Variants in CCSER1 observed in about 807,000 individuals in gnomAD.
The protein encoded by CCSER1 is serine-rich coiled-coil domain-containing protein 1.
CCSER1 carries 41 observed loss-of-function variants against 82.0 expected under a neutral mutation model. The observed-to-expected ratio is 0.50, with a 90% CI of 0.39 to 0.65. The LOEUF (loss-of-function observed/expected upper bound fraction) is 0.65, where lower values mean the gene tolerates loss of function less well. CCSER1 is among the 30% of genes least tolerant of loss of function. The pLI is 0.00. For synonymous variants in CCSER1, 414 were observed against 383.9 expected, an observed-to-expected ratio of 1.08 and a Z score of -0.92; for missense variants, 1,119 against 1,064.2, an observed-to-expected ratio of 1.05 and a Z score of -0.72.
intron 10 of CCSER1, among the ~76,000 whole-genome samples, chr4:91,189,155 A>G (rs1372364951): frequency 1.3e-5 from 2 of 152,104 alleles, no homozygotes; most frequent in African/African-American, 4.8e-5. Context: ...GGTAATTTGC[A>G]GGTAAAAGGT....
At chr4:90,729,339 A>G (rs183243482) in intron 7 of CCSER1, among the ~76,000 whole-genome samples, 2 of 152,334 alleles carry the variant, frequency 1.3e-5, no homozygotes, top group East Asian at 1.9e-4. Context: ...TTAAACATAA[A>G]TTATTTACTT....
At chr4:90,649,802 T>G (rs1464540223) in intron 6 of CCSER1, among the ~76,000 whole-genome samples, 1 of 152,066 alleles carries the variant, frequency 6.6e-6, no homozygotes, top group Non-Finnish European at 1.5e-5. Context: ...AAAGTATAAT[T>G]TAGTGAAAAT....
intron 6 of CCSER1, among the ~76,000 whole-genome samples, chr4:90,671,438 T>A (rs1732787871): frequency 6.6e-6 from 1 of 152,056 alleles, no homozygotes; most frequent in Non-Finnish European, 1.5e-5. Flanking sequence ...AGAAGTAGAT[T>A]TCCTCCCAAG....
chr4:91,401,149 C>T (rs1364499251), intron 10 of CCSER1, among the ~76,000 whole-genome samples: 1 of 151,532 alleles, frequency 6.6e-6, no homozygotes, highest in Admixed American at 6.6e-5. Context: ...CTCACGTGCC[C>T]ATCTAAATAG....
In CCSER1 at chr4:90,211,752, T is replaced by G. The variant is rs117680822; in HGVS notation, c.-42+83921T>G. 4.5e-4 allele frequency among the ~76,000 whole-genome samples: 69 copies of G among 152,352 alleles called. No homozygotes were observed. The East Asian group carries it at 0.01, about 22-fold the overall frequency. ...GTAATAATGTAATCAGAAACATGTT[T>G]TAGGAAGTTTACTGATGAATTCTTG... is the stretch of plus-strand genomic sequence containing the variant. On this transcript the variant is annotated intron_variant, in intron 1 of 10. Coordinates refer to ENST00000509176, the MANE Select transcript of CCSER1 (RefSeq NM_001145065.2).
chr4:90,148,508 T>C (rs1445517242), intron 1 of CCSER1, among the ~76,000 whole-genome samples: 1 of 152,172 alleles, frequency 6.6e-6, no homozygotes, highest in African/African-American at 2.4e-5. Context: ...ACAAGGTTGA[T>C]ATAGATGTGA....
chr4:91,251,355 C>T (rs1740244965), intron 10 of CCSER1, among the ~76,000 whole-genome samples: 1 of 152,128 alleles, frequency 6.6e-6, no homozygotes, highest in South Asian at 2.1e-4. Flanking sequence ...GCTCTACCCT[C>T]ATGACCTAAT....
At chr4:90,780,229 G>A (rs1180604716) in intron 7 of CCSER1, among the ~76,000 whole-genome samples, 3 of 152,164 alleles carry the variant, frequency 2.0e-5, no homozygotes, top group African/African-American at 7.2e-5. Flanking sequence ...GTGTGGACAA[G>A]TTTGGTCTTT....
chr4:90,344,568 C>T (rs1371338687), intron 3 of CCSER1, among the ~76,000 whole-genome samples: 1 of 151,962 alleles, frequency 6.6e-6, no homozygotes, highest in African/African-American at 2.4e-5. Flanking sequence ...ATTTAGTACC[C>T]CCATAAACTC....
intron 1 of CCSER1, among the ~76,000 whole-genome samples, chr4:90,167,370 A>T (rs188059643): frequency 2.0e-5 from 3 of 152,270 alleles, no homozygotes; most frequent in African/African-American, 7.2e-5. Context: ...AAAGTTGTAC[A>T]TTTTCATTCT....
At chr4:91,426,621 C>T (rs766263332) in intron 10 of CCSER1, among the ~76,000 whole-genome samples, 141 of 152,070 alleles carry the variant, frequency 9.3e-4, no homozygotes, top group Non-Finnish European at 1.4e-3. Context: ...GTATTTAATA[C>T]AATTTCAATT....
chr4:90,707,039 G>T (rs901314958), intron 6 of CCSER1, among the ~76,000 whole-genome samples: 1 of 151,910 alleles, frequency 6.6e-6, no homozygotes, highest in Non-Finnish European at 1.5e-5. Flanking sequence ...ATAATTTTTG[G>T]CAGGAAGCCC....
At chr4:91,002,259 C>G (rs1738101648) in intron 9 of CCSER1, among the ~76,000 whole-genome samples, 1 of 152,168 alleles carries the variant, frequency 6.6e-6, no homozygotes, top group Admixed American at 6.5e-5. Flanking sequence ...ATGAATTTCC[C>G]AGGTGTTCTT....
intron 5 of CCSER1, among the ~76,000 whole-genome samples, chr4:90,605,790 C>A (rs1784628113): frequency 6.6e-6 from 1 of 151,552 alleles, no homozygotes; most frequent in Non-Finnish European, 1.5e-5. Flanking sequence ...TTACATTGAC[C>A]AAATATTTTG....
At chr4:90,694,797 GGT>G (rs112192037) in intron 6 of CCSER1, among the ~76,000 whole-genome samples, 20,527 of 145,288 alleles carry the variant, frequency 0.14, 1,764 homozygotes, top group Non-Finnish European at 0.2. Context: ...GTGTGTGTGG[GGT>G]GTGTGTGTGT....
intron 7 of CCSER1, among the ~76,000 whole-genome samples, chr4:90,730,324 T>C (rs1212538929): frequency 6.6e-6 from 1 of 152,182 alleles, no homozygotes; most frequent in Non-Finnish European, 1.5e-5. Flanking sequence ...TGGTCTCTCT[T>C]AGTATTAGAA....
In CCSER1 at chr4:91,486,752, A is replaced by G. The variant is rs954014806; in HGVS notation, c.2218-111820A>G. Among the ~76,000 whole-genome samples the G allele has an allele frequency of 4.6e-5, 7 of 152,234 alleles. No individual in the cohort carries two copies. In the South Asian group the frequency reaches 1.0e-3, roughly 23 times the overall value. On this transcript the variant is annotated intron_variant, in intron 10 of 10. Transcript: ENST00000509176. ...TTATGCAACTACTATGCCATTTTAT[A>G]TAAGGGACTTGAACATCAGTGGATT...
rs549188035 is a variant in CCSER1, at chr4:91,004,010, T to A, written c.2172+80563T>A. Among the ~76,000 whole-genome samples, 66 of 152,336 alleles carry A rather than the reference T, an allele frequency of 4.3e-4. No homozygotes were observed. The Middle Eastern group carries it at 0.014, about 31-fold the overall frequency. On this transcript the variant is annotated intron_variant, in intron 9 of 10. Coordinates refer to ENST00000509176, the MANE Select transcript of CCSER1 (RefSeq NM_001145065.2). ...ACCTTCAGGTTCCCCAGTCAGGGTGTGTGTTCAGGGGCAGACAATTCCCCT... is the reference window on the plus strand; with the variant it reads ...ACCTTCAGGTTCCCCAGTCAGGGTGAGTGTTCAGGGGCAGACAATTCCCCT...
chr4:90,824,289 A>C (rs1012369027), intron 8 of CCSER1, among the ~76,000 whole-genome samples: 1 of 152,138 alleles, frequency 6.6e-6, no homozygotes, highest in African/African-American at 2.4e-5. Flanking sequence ...TTACTTTATT[A>C]ACTGTAAGGC....
Sources: allele counts gnomAD v4.1 joint callset (sites outside exome capture counted in the v4.1 genomes callset), GRCh38; gene constraint gnomAD v4.1.1; transcripts MANE v1.5; gene names NCBI Gene and HGNC (gene_info 2026-07-23, HGNC 2026-07-21).